The following BMPR2 variants were observed in gnomAD, a reference collection of about 807,000 sequenced individuals.
BMPR2 encodes the protein bone morphogenetic protein receptor type 2.
Under a neutral mutation model 100.8 loss-of-function variants are expected in BMPR2, and 29 were observed. That is an observed-to-expected ratio of 0.29 (90% CI 0.21 to 0.39). The LOEUF (loss-of-function observed/expected upper bound fraction) is 0.39, where lower values mean the gene tolerates loss of function less well. Ranked by LOEUF, BMPR2 falls within the 10% of genes least tolerant of loss-of-function variation. The probability of loss-of-function intolerance (pLI) is 1.00; values close to 1 mark genes in which losing one functional copy is unlikely to be tolerated. For synonymous variants in BMPR2, 382 were observed against 442.3 expected (o/e 0.86, Z 1.71); for missense variants, 1,011 against 1,274.5 (o/e 0.79, Z 3.15).
Position 202,518,946 on chromosome 2 carries a change from T to G in BMPR2, c.746T>G (p.Val249Gly), listed in dbSNP as rs1415966489. The G allele has an allele frequency of 2.5e-6, 4 of 1,614,022 alleles. No homozygotes were observed. Among genetic ancestry groups the G allele is most frequent in the Non-Finnish European group, 3.4e-6 (4 of 1,180,038 alleles). Residue 249 changes from valine to glycine, a missense_variant, in exon 6 of 13, where the codon GTG (valine) becomes GGG (glycine). By Grantham distance (109) the Val-to-Gly change is moderately radical (BLOSUM62 -3). Coordinates refer to ENST00000374580, the MANE Select transcript of BMPR2 (RefSeq NM_001204.7). ...NFINEKNIYRVPLMEHDNIAR... is the reference protein window; with the variant it reads ...NFINEKNIYRGPLMEHDNIAR... ...ATCAACGAAAAGAACATTTACAGAG[T>G]GCCTTTGATGGAACATGACAACATT... is the stretch of plus-strand genomic sequence containing the variant.
intron 10 of BMPR2, 98 bp from the exon 11 acceptor site, chr2:202,552,618 G>T: frequency 8.0e-7 from 1 of 1,245,024 alleles, no homozygotes; most frequent in Non-Finnish European, 1.2e-6. Flanking sequence ...TACTGGTTAA[G>T]GTAATTGATT....
intron 1 of BMPR2, among the ~76,000 whole-genome samples, chr2:202,426,146 G>C (rs1269148682): frequency 6.6e-6 from 1 of 152,162 alleles, no homozygotes; most frequent in Non-Finnish European, 1.5e-5. Context: ...AAATGCTGTG[G>C]CCAGAAGTAA....
chr2:202,533,565 CT>C (rs1688067907), intron 9 of BMPR2, among the ~76,000 whole-genome samples: 2 of 151,946 alleles, frequency 1.3e-5, no homozygotes, highest in Non-Finnish European at 2.9e-5. Flanking sequence ...TGGCTTACAC[CT>C]GTAATCCCAG....
At chr2:202,509,910 A>C (rs915819855) in intron 3 of BMPR2, among the ~76,000 whole-genome samples, 2 of 152,088 alleles carry the variant, frequency 1.3e-5, no homozygotes, top group Non-Finnish European at 2.9e-5. Flanking sequence ...ATTTCCAGAG[A>C]CAGTTTTATC....
Position 202,555,731 on chromosome 2 carries a change from C to G in BMPR2, c.2066C>G (p.Ser689Cys). 5.0e-6 allele frequency: 8 copies of G among 1,614,152 alleles called. No individual in the cohort carries two copies. The highest frequency in any genetic ancestry group is 6.8e-6 in the Non-Finnish European group (8 of 1,180,038). The change falls in exon 12 of 13, where the codon TCT (serine) becomes TGT (cysteine). Residue 689 changes from serine (S) to cysteine (C), a missense_variant. Physicochemically the swap from Ser to Cys is moderately radical, Grantham distance 112. This residue lies in a region of BMPR2 where 508 missense variants were observed against 552.0 expected (regional missense o/e 0.92). Transcript: ENST00000374580. ...TCTGATGAGAATCTCATGGAGCACT[C>G]TCTTAAACAGTTCAGTGGCCCAGAC... is the stretch of plus-strand genomic sequence containing the variant. ...ESSDENLMEH[S>C]LKQFSGPDPL...
chr2:202,456,107 A>G (rs1285253099), intron 1 of BMPR2, among the ~76,000 whole-genome samples: 2 of 140,202 alleles, frequency 1.4e-5, no homozygotes, highest in Non-Finnish European at 3.1e-5. Flanking sequence ...AAAAAAGTTA[A>G]GTAGTATTGC....
chr2:202,535,130 G>T (rs1388972335), intron 9 of BMPR2, among the ~76,000 whole-genome samples: 2 of 140,260 alleles, frequency 1.4e-5, no homozygotes, highest in African/African-American at 5.4e-5. Context: ...GCCGGGCGGG[G>T]GGCTGACCCC....
At chr2:202,501,319 C>T (rs1156712022) in intron 3 of BMPR2, among the ~76,000 whole-genome samples, 1 of 152,160 alleles carries the variant, frequency 6.6e-6, no homozygotes, top group East Asian at 1.9e-4. Context: ...CTGGATACAG[C>T]GAGATAGCCA....
At chr2:202,397,379 A>G (rs548268099) in intron 1 of BMPR2, among the ~76,000 whole-genome samples, 1 of 152,332 alleles carries the variant, frequency 6.6e-6, no homozygotes, top group East Asian at 1.9e-4. Context: ...TTGAACCTTT[A>G]GAACTTGATC....
chr2:202,487,508 G>A lies in BMPR2; in HGVS notation c.418+19819G>A, dbSNP rs181213958. On this transcript the variant is annotated intron_variant, in intron 3 of 12. Transcript: ENST00000374580. Reference sequence around the variant, plus strand: ...GTTAAAAAATCAATAAGATAAAAACGTAGAGGATAATATTTGAGGCTGCTT... The same window carrying A: ...GTTAAAAAATCAATAAGATAAAAACATAGAGGATAATATTTGAGGCTGCTT... 2.0e-4 allele frequency among the ~76,000 whole-genome samples: 31 copies of A among 152,224 alleles called. No homozygotes were observed. The East Asian group carries it at 3.3e-3, about 16-fold the overall frequency.
At chr2:202,449,048 C>T (rs1359411111) in intron 1 of BMPR2, among the ~76,000 whole-genome samples, 2 of 150,958 alleles carry the variant, frequency 1.3e-5, no homozygotes, top group African/African-American at 4.9e-5. Context: ...GTGGGGGTGG[C>T]AGCTCACACC....
intron 9 of BMPR2, among the ~76,000 whole-genome samples, chr2:202,533,279 C>T (rs1410921589): frequency 6.6e-6 from 1 of 151,952 alleles, no homozygotes; most frequent in African/African-American, 2.4e-5. Context: ...TGGCCAGGTG[C>T]GGTGGCTCAT....
In BMPR2 at chr2:202,434,918, T is replaced by A. The variant is rs1182198678; in HGVS notation, c.77-29891T>A. Among the ~76,000 whole-genome samples the A allele has an allele frequency of 6.8e-4, 73 of 107,480 alleles. 1 individual carries two copies. Among genetic ancestry groups the A allele is most frequent in the Non-Finnish European group, 9.4e-4 (51 of 54,434 alleles). 70.5% of individuals were successfully genotyped at this position (107,480 alleles called of 152,430 possible). A position where few individuals can be genotyped will look rare whatever the true frequency, so the allele number is the denominator to read the frequency against. On this transcript the variant is annotated intron_variant, in intron 1 of 12. Coordinates refer to ENST00000374580, the MANE Select transcript of BMPR2 (RefSeq NM_001204.7). Reference sequence around the variant, plus strand: ...AAAAAAAAAAAAAAAAATATATATATATATATATATATATATATTTATTTA... The same window carrying A: ...AAAAAAAAAAAAAAAAATATATATAAATATATATATATATATATTTATTTA...
intron 12 of BMPR2, among the ~76,000 whole-genome samples, chr2:202,558,410 C>G (rs1484130336): frequency 6.6e-6 from 1 of 152,050 alleles, no homozygotes; most frequent in African/African-American, 2.4e-5. Context: ...CTGCGCCCAG[C>G]CTATTTCTCT....
intron 5 of BMPR2, among the ~76,000 whole-genome samples, chr2:202,517,377 A>C (rs1356750603): frequency 6.7e-6 from 1 of 148,672 alleles, no homozygotes; most frequent in Non-Finnish European, 1.5e-5. Context: ...GCTGGAGTGC[A>C]AGGCATGGTC....
At chr2:202,489,837 C>T (rs1476029222) in intron 3 of BMPR2, among the ~76,000 whole-genome samples, 2 of 152,114 alleles carry the variant, frequency 1.3e-5, no homozygotes, top group Non-Finnish European at 2.9e-5. Flanking sequence ...GTTACATGGG[C>T]AGTAGTAGGC....
intron 1 of BMPR2, among the ~76,000 whole-genome samples, chr2:202,457,550 A>G (rs997759757): frequency 1.4e-4 from 13 of 95,458 alleles, no homozygotes; most frequent in South Asian, 1.1e-3. Context: ...TTTTATATAT[A>G]TATATATATA....
rs762646803 is a variant in BMPR2, at chr2:202,467,628, C to T, written c.357C>T (p.Ser119=). 1 of 1,611,592 alleles carries T rather than the reference C, an allele frequency of 6.2e-7. No individual in the cohort carries two copies. Among genetic ancestry groups the T allele is most frequent in the East Asian group, 2.2e-5 (1 of 44,866 alleles). Residue 119 remains serine (S), a synonymous_variant, in exon 3 of 13, where the codon AGC becomes AGT. Coordinates refer to ENST00000374580, the MANE Select transcript of BMPR2 (RefSeq NM_001204.7). ...QNGTYRFCCC[S]TDLCNVNFTE... is the part of the protein sequence containing the mutation. ...GAACATACCGTTTCTGCTGTTGTAG[C>T]ACAGATTTATGTAATGTCAACTTTA... is the stretch of plus-strand genomic sequence containing the variant.
At chr2:202,384,151 A>G (rs562633444) in intron 1 of BMPR2, among the ~76,000 whole-genome samples, 2 of 152,222 alleles carry the variant, frequency 1.3e-5, no homozygotes, top group Non-Finnish European at 2.9e-5. Flanking sequence ...CAGCCTTGGC[A>G]AAAGAGTGAA....
Sources: allele counts gnomAD v4.1 joint callset (sites outside exome capture counted in the v4.1 genomes callset), GRCh38; gene constraint gnomAD v4.1.1; regional missense constraint gnomAD v4.1.1; transcripts MANE v1.5; gene names NCBI Gene and HGNC (gene_info 2026-07-23, HGNC 2026-07-21).